The following LHX8 variants were observed in gnomAD, a reference collection of about 807,000 sequenced individuals.
The protein encoded by LHX8 is LIM/homeobox protein Lhx8.
A neutral mutation model predicts 40.3 loss-of-function variants in LHX8; 12 were observed. That is an observed-to-expected ratio of 0.30 (90% CI 0.19 to 0.48). The LOEUF (loss-of-function observed/expected upper bound fraction) is 0.48, where lower values mean the gene tolerates loss of function less well. Ranked by LOEUF, LHX8 falls within the 20% of genes least tolerant of loss-of-function variation. The pLI, the probability that LHX8 is intolerant of heterozygous loss-of-function variation, is 0.99. For synonymous variants in LHX8, 179 were observed against 162.0 expected (o/e 1.10, Z -0.80); for missense variants, 344 against 433.7 (o/e 0.79, Z 1.84).
At chr1:75,192,700 T>A in the LHX8 span, among the ~76,000 whole-genome samples, 1 of 152,162 alleles carries the variant, frequency 6.6e-6, no homozygotes, top group Non-Finnish European at 1.5e-5. Context: ...TTTGTTTGTT[T>A]GTTTGTTTTT....
intron 4 of LHX8, 149 bp downstream of exon 4, chr1:75,141,255 T>C (rs1003453226): frequency 1.2e-5 from 9 of 769,188 alleles, no homozygotes; most frequent in Admixed American, 2.7e-5. Context: ...CTTTCCTGTT[T>C]GAGATATAAT....
At chr1:75,136,493 G>A (rs1014805237) in intron 1 of LHX8, 110 bp from the exon 2 acceptor site, 6 of 825,778 alleles carry the variant, frequency 7.3e-6, no homozygotes, top group East Asian at 2.8e-5. Flanking sequence ...GCGCTGCCCC[G>A]CACTCTGAGG....
At chr1:75,162,223 C>T (rs1648935328), downstream of LHX8, among the ~76,000 whole-genome samples, 2 of 151,386 alleles carry the variant, frequency 1.3e-5, no homozygotes, top group South Asian at 4.2e-4. Flanking sequence ...AAGCAACAAA[C>T]CTGCTTCATT....
the LHX8 span, among the ~76,000 whole-genome samples, chr1:75,177,599 A>G: frequency 2.0e-5 from 3 of 152,218 alleles, no homozygotes; most frequent in African/African-American, 4.8e-5. Flanking sequence ...TTTTCTAAAT[A>G]TACGATCATG....
the LHX8 span, among the ~76,000 whole-genome samples, chr1:75,175,114 A>C: frequency 6.6e-6 from 1 of 152,228 alleles, no homozygotes; most frequent in Non-Finnish European, 1.5e-5. Context: ...CTCCAAGTCC[A>C]TCCAGGTTGC....
chr1:75,175,257 G>A, the LHX8 span, among the ~76,000 whole-genome samples: 1 of 152,188 alleles, frequency 6.6e-6, no homozygotes, highest in Non-Finnish European at 1.5e-5. Context: ...AAATTGTGCT[G>A]CTATAAACAT....
At chr1:75,131,396 G>C (rs1249839471), upstream of LHX8, 2 of 155,332 alleles carry the variant, frequency 1.3e-5, no homozygotes, top group Non-Finnish European at 2.9e-5. Context: ...GTTATAATTT[G>C]CTAATTCGGA....
intron 6 of LHX8, 83 bp from the exon 7 acceptor site, chr1:75,148,504 C>T: frequency 1.1e-6 from 1 of 932,946 alleles, no homozygotes; most frequent in Admixed American, 1.7e-5. Context: ...TTGTGCATGT[C>T]TTACCTCTTA....
At chr1:75,145,455 C>T (rs564022255) in intron 6 of LHX8, among the ~76,000 whole-genome samples, 2 of 152,152 alleles carry the variant, frequency 1.3e-5, no homozygotes, top group South Asian at 4.2e-4. Flanking sequence ...TAGATAGACA[C>T]TTTTCTATGG....
chr1:75,174,655 T>C, the LHX8 span, among the ~76,000 whole-genome samples: 1 of 152,148 alleles, frequency 6.6e-6, no homozygotes, highest in Non-Finnish European at 1.5e-5. Context: ...CTATTTCCTG[T>C]TTCAGAATAA....
chr1:75,181,744 T>C, the LHX8 span, among the ~76,000 whole-genome samples: 2 of 152,144 alleles, frequency 1.3e-5, no homozygotes, highest in Non-Finnish European at 2.9e-5. Context: ...ACCAAATACC[T>C]CTGTTGGAAA....
chr1:75,174,738 G>A, the LHX8 span, among the ~76,000 whole-genome samples: 4 of 152,130 alleles, frequency 2.6e-5, no homozygotes, highest in African/African-American at 4.8e-5. Context: ...ACATGATAAA[G>A]TGCTACAGTG....
At chr1:75,148,464 A>G in intron 6 of LHX8, 123 bp from the exon 7 acceptor site, 1 of 733,920 alleles carries the variant, frequency 1.4e-6, no homozygotes, top group Non-Finnish European at 2.5e-6. Flanking sequence ...CCCCATACCG[A>G]TTTTCAAGTA....
intron 8 of LHX8, 118 bp downstream of exon 8, chr1:75,157,194 T>C (rs975668193): frequency 2.6e-6 from 3 of 1,173,314 alleles, no homozygotes; most frequent in Non-Finnish European, 3.8e-6. Context: ...AGCTGAAAAA[T>C]ATTGTGGGGG....
chr1:75,129,675 A>T (rs963494922), upstream of LHX8, among the ~76,000 whole-genome samples: 1 of 152,156 alleles, frequency 6.6e-6, no homozygotes, highest in African/African-American at 2.4e-5. Flanking sequence ...CGAGAAAACC[A>T]TCTGGTTTTT....
At chr1:75,164,270 T>A (rs1315753027), downstream of LHX8, among the ~76,000 whole-genome samples, 1 of 152,128 alleles carries the variant, frequency 6.6e-6, no homozygotes, top group African/African-American at 2.4e-5. Context: ...ACCCTTATTT[T>A]ACAAACATAG....
At chr1:75,144,102 C>A in intron 6 of LHX8, 154 bp downstream of exon 6, 2 of 663,480 alleles carry the variant, frequency 3.0e-6, no homozygotes, top group African/African-American at 1.8e-5. Context: ...TGAAAACATA[C>A]TTATTGCCCT....
At chr1:75,143,065 A>G in intron 4 of LHX8, 53 bp from the exon 5 acceptor site, 1 of 1,390,674 alleles carries the variant, frequency 7.2e-7, no homozygotes, top group African/African-American at 1.4e-5. Context: ...TCGACTGATG[A>G]ATATCTCACC....
At chr1:75,155,589 C>T (rs897150054) in intron 7 of LHX8, among the ~76,000 whole-genome samples, 1 of 152,124 alleles carries the variant, frequency 6.6e-6, no homozygotes, top group Non-Finnish European at 1.5e-5. Context: ...AATTCAAACA[C>T]AGGCATATTA....
Sources: gnomAD v4.1 joint callset for allele counts (sites outside exome capture counted in the v4.1 genomes callset) on GRCh38, gnomAD v4.1.1 for gene constraint, MANE v1.5 for transcripts, NCBI Gene and HGNC (gene_info 2026-07-23, HGNC 2026-07-21) for gene names.